HECTD4: variants seen among roughly 807,000 people sequenced by gnomAD.
HECTD4 encodes probable E3 ubiquitin-protein ligase HECTD4.
HECTD4 carries 114 observed loss-of-function variants against 471.5 expected under a neutral mutation model. The ratio of observed to expected loss-of-function variants is 0.24; its 90% CI spans 0.21 to 0.28. The LOEUF (loss-of-function observed/expected upper bound fraction) is 0.28. Among genes scored for constraint, HECTD4 ranks in the 10% least tolerant of loss-of-function variants. The pLI, the probability that HECTD4 is intolerant of heterozygous loss-of-function variation, is 1.00. For synonymous variants in HECTD4, 2,012 were observed against 2,256.0 expected (o/e 0.89, Z 3.07); for missense variants, 3,866 against 5,651.5 (o/e 0.68, Z 10.13).
intron 48 of HECTD4, among the ~76,000 whole-genome samples, chr12:112,215,288 T>C (rs1472353643): frequency 6.6e-6 from 1 of 152,216 alleles, no homozygotes; most frequent in Non-Finnish European, 1.5e-5. Flanking sequence ...AGGCTACCTA[T>C]TGGAGTGACT....
rs1480907343 is a variant in HECTD4 at position 112,239,855 on chromosome 12, A to G, written c.5105+26T>C. 6.3e-7 allele frequency: 1 copy of G among 1,589,508 alleles called. No homozygotes were observed. The highest frequency in any genetic ancestry group is 8.6e-7 in the Non-Finnish European group (1 of 1,164,414). ...GACTATACTGCAGGGTAACTTACATACAACAAAAGGCCTTTCCGTACTTAC... is the reference window on the plus strand; with the variant it reads ...GACTATACTGCAGGGTAACTTACATGCAACAAAAGGCCTTTCCGTACTTAC... On this transcript the variant is annotated intron_variant, in intron 33 of 75. Transcript: ENST00000682272. The surrounding 1 kb of genome is among the most constrained non-coding windows in gnomAD (Gnocchi z 4.9).
At chr12:112,257,269 C>T (rs2135595955) in intron 20 of HECTD4, among the ~76,000 whole-genome samples, 1 of 152,304 alleles carries the variant, frequency 6.6e-6, no homozygotes, top group East Asian at 1.9e-4. Flanking sequence ...GCTCCTCAGT[C>T]ACATTAGCTA....
rs1398962933 is a variant in HECTD4, at chr12:112,239,582, A to G, written c.5105+299T>C. 1.3e-5 allele frequency among the ~76,000 whole-genome samples: 2 copies of G among 152,228 alleles called. No homozygotes were observed. The highest frequency in any genetic ancestry group is 4.8e-5 in the African/African-American group (2 of 41,456). ...GTGACCCAAGAGAGGAAATAAATGTATATATGCAAAATATTTCTGCCAAAT... is the reference window on the plus strand; with the variant it reads ...GTGACCCAAGAGAGGAAATAAATGTGTATATGCAAAATATTTCTGCCAAAT... On this transcript the variant is annotated intron_variant, in intron 33 of 75. Transcript: ENST00000682272. This position sits in a 1 kb window ranked among gnomAD's most constrained non-coding sequence, Gnocchi z 4.9.
intron 5 of HECTD4, 106 bp from the exon 6 acceptor site, chr12:112,308,997 A>C: frequency 8.6e-7 from 1 of 1,161,788 alleles, no homozygotes; most frequent in Non-Finnish European, 1.2e-6. Context: ...TTAAAAAATG[A>C]GTAAGTATGT....
At position 112,279,303 on chromosome 12, in the gene HECTD4, G is replaced by T. The variant is rs1273894138; in HGVS notation, c.1612C>A (p.Pro538Thr). Residue 538 changes from proline to threonine, a missense_variant, in exon 9 of 76, where the codon CCT (proline) becomes ACT (threonine). This residue lies in a region of HECTD4 where 525 missense variants were observed against 672.6 expected (regional missense o/e 0.78). Coordinates refer to ENST00000682272, the MANE Select transcript of HECTD4 (RefSeq NM_001388303.1). ...GAGCTGCCTGATCCCCCTGGAGGAGGCACCAGCATCACCAAGTAGGTGCCA... is the reference window on the plus strand; with the variant it reads ...GAGCTGCCTGATCCCCCTGGAGGAGTCACCAGCATCACCAAGTAGGTGCCA... ...TCGTYLVMLV[P>T]PPGGSGSSAT... 22 of 1,612,948 alleles carry T rather than the reference G, an allele frequency of 1.4e-5. No homozygotes were observed. Among genetic ancestry groups the T allele is most frequent in the Non-Finnish European group, 1.9e-5 (22 of 1,179,554 alleles).
At chr12:112,227,632 T>A (rs2033276145) in intron 43 of HECTD4, among the ~76,000 whole-genome samples, 2 of 152,040 alleles carry the variant, frequency 1.3e-5, no homozygotes, top group South Asian at 4.2e-4. Context: ...GCCTGAACCA[T>A]TTTATTTATT....
Position 112,219,407 on chromosome 12 carries a change from A to G in HECTD4, c.7053T>C (p.Pro2351=). 1 of 1,613,594 alleles carries G rather than the reference A, an allele frequency of 6.2e-7. No individual in the cohort carries two copies. The highest frequency in any genetic ancestry group is 8.5e-7 in the Non-Finnish European group (1 of 1,179,676). ...YRDCARPPPP[P]LQADRRQPKE... ...TCACCTGTCTTCGGTCAGCCTGCAA[A>G]GGAGGTGGTGGGGGCCGAGCACAGT... The change falls in exon 45 of 76, where the codon CCT becomes CCC. Residue 2351 remains proline, a synonymous_variant. Coordinates refer to ENST00000682272, the MANE Select transcript of HECTD4 (RefSeq NM_001388303.1).
Position 112,194,842 on chromosome 12 carries a change from T to A in HECTD4, c.8749+43A>T. The A allele has an allele frequency of 2.6e-6, 4 of 1,555,928 alleles. No homozygotes were observed. The highest frequency in any genetic ancestry group is 3.5e-6 in the Non-Finnish European group (4 of 1,141,986). On this transcript the variant is annotated intron_variant, in intron 56 of 75. Coordinates refer to ENST00000682272, the MANE Select transcript of HECTD4 (RefSeq NM_001388303.1). This position sits in a 1 kb window ranked among gnomAD's most constrained non-coding sequence, Gnocchi z 4.6. ...GACTACACTGTGCACAGCGCCCGCC[T>A]GGTGCTAAGTTCCAGAGTGACAGCA...
intron 17 of HECTD4, among the ~76,000 whole-genome samples, chr12:112,262,311 G>T (rs951616901): frequency 1.3e-5 from 2 of 151,910 alleles, no homozygotes; most frequent in African/African-American, 4.8e-5. Context: ...AGGAGTTCAA[G>T]ACCAGTCTGG....
Position 112,308,905 on chromosome 12 carries a change from T to A in HECTD4, c.1026-14A>T. On this transcript the variant is annotated splice_polypyrimidine_tract_variant and intron_variant, in intron 5 of 75. Coordinates refer to ENST00000682272, the MANE Select transcript of HECTD4 (RefSeq NM_001388303.1). The stretch of plus-strand genomic sequence containing the variant: ...TACACAAAACCTCTGTGGAATGAAA[T>A]GGAGCACAGGCTGAATCACCTGGCT... The A allele has an allele frequency of 1.3e-6, 2 of 1,535,244 alleles. No individual in the cohort carries two copies. Among genetic ancestry groups the A allele is most frequent in the Non-Finnish European group, 1.7e-6 (2 of 1,146,578 alleles).
intron 1 of HECTD4, among the ~76,000 whole-genome samples, chr12:112,371,541 C>T (rs1230003933): frequency 1.3e-5 from 2 of 151,564 alleles, no homozygotes; most frequent in Non-Finnish European, 2.9e-5. Flanking sequence ...CGCCATTGCA[C>T]TCCAGCCTGG....
In HECTD4 at chr12:112,246,819, T is replaced by C. The variant is rs1464802912; in HGVS notation, c.4513+82A>G. 4.7e-6 allele frequency: 6 copies of C among 1,272,760 alleles called. No homozygotes were observed. The East Asian group carries it at 1.6e-4, about 34-fold the overall frequency. 78.8% of individuals were successfully genotyped at this position (1,272,760 alleles called of 1,614,324 possible). On this transcript the variant is annotated intron_variant, in intron 29 of 75. Transcript: ENST00000682272. Reference sequence around the variant, plus strand: ...GTACCCAAGAGTGAATTTTTCAAAATATAGCTGTGTGTCTTATATGAACAG... The same window carrying C: ...GTACCCAAGAGTGAATTTTTCAAAACATAGCTGTGTGTCTTATATGAACAG...
intron 1 of HECTD4, among the ~76,000 whole-genome samples, chr12:112,367,787 C>A (rs1340352393): frequency 5.8e-5 from 8 of 138,026 alleles, no homozygotes; most frequent in African/African-American, 2.2e-4. Context: ...TGCCATTGCA[C>A]TCCAGCCTGG....
rs988684909 is a variant in HECTD4 at position 112,163,564 on chromosome 12, T to C, written c.12875A>G (p.Tyr4292Cys). 7.4e-6 allele frequency: 11 copies of C among 1,488,626 alleles called. No individual in the cohort carries two copies. Among genetic ancestry groups the C allele is most frequent in the East Asian group, 5.0e-5 (2 of 39,932 alleles). The allele number at this position is 1,488,626 out of a possible 1,614,324, so 92.2% of individuals were successfully genotyped here. Reference sequence around the variant, plus strand: ...TACCTTGAGGAACTCGAGGTTGATGTAGGGGAGGCCGCAGGTGCGCAGCTC... The same window carrying C: ...TACCTTGAGGAACTCGAGGTTGATGCAGGGGAGGCCGCAGGTGCGCAGCTC... ...EMELRTCGLP[Y>C]INLEFLKAHT... The change falls in exon 74 of 76, where the codon TAC (tyrosine) becomes TGC (cysteine). Residue 4292 changes from tyrosine to cysteine, a missense_variant. This residue lies in a region of HECTD4 where 715 missense variants were observed against 1,087.6 expected (regional missense o/e 0.66). Transcript: ENST00000682272. The surrounding 1 kb of genome is among the most constrained non-coding windows in gnomAD (Gnocchi z 8.2).
chr12:112,367,542 G>A (rs1456001595), intron 1 of HECTD4, among the ~76,000 whole-genome samples: 2 of 151,944 alleles, frequency 1.3e-5, no homozygotes, highest in Non-Finnish European at 2.9e-5. Context: ...GCTTCCGGCA[G>A]GGCCCAGTGG....
In HECTD4 at chr12:112,382,188, G is replaced by A. The variant is rs2036908333; in HGVS notation, c.-60C>T. 1.7e-6 allele frequency: 2 copies of A among 1,191,708 alleles called. No individual in the cohort carries two copies. Among genetic ancestry groups the A allele is most frequent in the Non-Finnish European group, 2.1e-6 (2 of 957,528 alleles). The allele number at this position is 1,191,708 out of a possible 1,614,324, so 73.8% of individuals were successfully genotyped here. ...CGCCCGGCCGGGGGAAACGGAGCAG[G>A]AGCCGCCGCGATCACCAGTCCATGG... is the stretch of plus-strand genomic sequence containing the variant. On this transcript the variant is annotated 5_prime_UTR_variant, in exon 1 of 76. Transcript: ENST00000682272.
At position 112,306,045 on chromosome 12, in the gene HECTD4, C is replaced by G; in HGVS notation, c.1335+19G>C. On this transcript the variant is annotated intron_variant, in intron 7 of 75. Coordinates refer to ENST00000682272, the MANE Select transcript of HECTD4 (RefSeq NM_001388303.1). ...AGAAATGTTTCTGCAAAGATACAAG[C>G]GAGAAAGTTCAAACTTACCACAAGT... The G allele has an allele frequency of 6.3e-7, 1 of 1,583,048 alleles. No homozygotes were observed. Among genetic ancestry groups the G allele is most frequent in the Non-Finnish European group, 8.6e-7 (1 of 1,168,164 alleles).
At chr12:112,359,381 G>A (rs1238509921) in intron 1 of HECTD4, among the ~76,000 whole-genome samples, 1 of 151,574 alleles carries the variant, frequency 6.6e-6, no homozygotes, top group Non-Finnish European at 1.5e-5. Flanking sequence ...CCCCTCCCCA[G>A]CAACCACTAC....
chr12:112,378,930 T>G (rs1404336857), intron 1 of HECTD4, among the ~76,000 whole-genome samples: 1 of 152,034 alleles, frequency 6.6e-6, no homozygotes, highest in Non-Finnish European at 1.5e-5. Flanking sequence ...TAGTCCCAGC[T>G]GCTGGGGAGG....
Sources: gnomAD v4.1 joint callset for allele counts (sites outside exome capture counted in the v4.1 genomes callset) on GRCh38, gnomAD v4.1.1 for gene constraint, gnomAD v4.1.1 regional missense constraint, Gnocchi (gnomAD v3.1) non-coding constraint, MANE v1.5 for transcripts, NCBI Gene and HGNC (gene_info 2026-07-23, HGNC 2026-07-21) for gene names.